The following CAPZB variants were observed in gnomAD, a reference collection of about 807,000 sequenced individuals.
CAPZB encodes capping actin protein of muscle Z-line subunit beta.
In CAPZB, 2 loss-of-function variants were observed where a neutral mutation model predicts 38.1. The ratio of observed to expected loss-of-function variants is 0.05; its 90% CI spans 0.02 to 0.17. CAPZB has a LOEUF of 0.17. CAPZB is among the 10% of genes least tolerant of loss of function. CAPZB has a pLI of 1.00. For synonymous variants in CAPZB, 107 were observed against 127.4 expected (o/e 0.84, Z 1.08); for missense variants, 161 against 334.2 (o/e 0.48, Z 4.04).
chr1:19,468,175 T>C (rs2094574727), intron 1 of CAPZB, among the ~76,000 whole-genome samples: 1 of 152,206 alleles, frequency 6.6e-6, no homozygotes, highest in Non-Finnish European at 1.5e-5. Flanking sequence ...TGAAACAATA[T>C]ATTGAAAGGT....
At chr1:19,370,582 T>C (rs1432792807) in intron 4 of CAPZB, among the ~76,000 whole-genome samples, 1 of 152,064 alleles carries the variant, frequency 6.6e-6, no homozygotes, top group African/African-American at 2.4e-5. Context: ...ACCTAGCACA[T>C]GGTGAAATTT....
chr1:19,350,659 G>A (rs1420220284), intron 6 of CAPZB, among the ~76,000 whole-genome samples: 1 of 152,208 alleles, frequency 6.6e-6, no homozygotes, highest in East Asian at 1.9e-4. Flanking sequence ...GTGTTGCCCA[G>A]GCTGGAGCAC....
intron 4 of CAPZB, among the ~76,000 whole-genome samples, chr1:19,373,733 C>T (rs1389481546): frequency 6.6e-6 from 1 of 151,782 alleles, no homozygotes; most frequent in Admixed American, 6.6e-5. Context: ...CTCTGTCACC[C>T]AGGCTGAGTG....
intron 1 of CAPZB, among the ~76,000 whole-genome samples, chr1:19,464,013 A>G (rs2094560798): frequency 1.3e-5 from 1 of 77,078 alleles, no homozygotes; most frequent in South Asian, 5.5e-4. Context: ...TATCTCTACT[A>G]AAAATACAAA....
At chr1:19,345,149 G>A (rs2100245431) in intron 7 of CAPZB, 38 bp downstream of exon 7, 1 of 1,526,366 alleles carries the variant, frequency 6.6e-7, no homozygotes. Flanking sequence ...CACTGCTGTG[G>A]GTCACTGCAG....
intron 1 of CAPZB, chr1:19,484,564 C>G (rs890121654): frequency 7.9e-7 from 1 of 1,260,674 alleles, no homozygotes; most frequent in East Asian, 4.2e-5. Flanking sequence ...TCCCTAGAAG[C>G]GGCAACTGAG....
At chr1:19,436,095 T>C (rs1408763406) in intron 1 of CAPZB, among the ~76,000 whole-genome samples, 2 of 152,216 alleles carry the variant, frequency 1.3e-5, no homozygotes, top group Admixed American at 6.5e-5. Flanking sequence ...TCACCCCTTA[T>C]CTGCAGTTTT....
intron 1 of CAPZB, among the ~76,000 whole-genome samples, chr1:19,483,472 T>G (rs1261291074): frequency 6.6e-6 from 1 of 152,228 alleles, no homozygotes; most frequent in Non-Finnish European, 1.5e-5. Context: ...TGAAAACAGC[T>G]TGTACAGGTG....
chr1:19,445,200 T>G (rs1421156883), intron 1 of CAPZB, among the ~76,000 whole-genome samples: 1 of 152,100 alleles, frequency 6.6e-6, no homozygotes, highest in Admixed American at 6.6e-5. Flanking sequence ...AACAGGAAGT[T>G]TGCAAAGGTG....
At chr1:19,403,830 G>A (rs1018843874) in intron 2 of CAPZB, among the ~76,000 whole-genome samples, 1 of 152,196 alleles carries the variant, frequency 6.6e-6, no homozygotes, top group Non-Finnish European at 1.5e-5. Flanking sequence ...TTGGGCAGGT[G>A]GAACTACATC....
rs758157735 is a variant in CAPZB, at chr1:19,484,632, G to A, written c.3+804C>T. On this transcript the variant is annotated intron_variant, in intron 1 of 8. Coordinates refer to ENST00000264202, the MANE Select transcript of CAPZB (RefSeq NM_004930.5). ...TGGAGAGCTCCCCTCGCTCCCCAAA[G>A]GCTGCAAAGAAGGCGCGCCCCAGGT... 54 of 1,175,914 alleles carry A rather than the reference G, an allele frequency of 4.6e-5. 1 individual carries two copies. The African/African-American group carries it at 8.0e-4, about 17-fold the overall frequency. The allele number at this position is 1,175,914 out of a possible 1,614,324, so 72.8% of individuals were successfully genotyped here. A position where few individuals can be genotyped will look rare whatever the true frequency, so the allele number is the denominator to read the frequency against.
chr1:19,468,919 C>T (rs2094577319), intron 1 of CAPZB, among the ~76,000 whole-genome samples: 2 of 152,204 alleles, frequency 1.3e-5, no homozygotes, highest in Admixed American at 6.5e-5. Context: ...CGAGACGCCT[C>T]CTTCAATGTA....
intron 3 of CAPZB, among the ~76,000 whole-genome samples, chr1:19,380,807 C>T (rs189399494): frequency 6.6e-6 from 1 of 152,108 alleles, no homozygotes; most frequent in Non-Finnish European, 1.5e-5. Context: ...ATCTTCTCTT[C>T]GGGTTGCTCA....
rs2094030724 is a variant in CAPZB, at chr1:19,357,935, A to G, written c.330-372T>C. Among the ~76,000 whole-genome samples, 4 of 152,032 alleles carry G rather than the reference A, an allele frequency of 2.6e-5. No individual in the cohort carries two copies. The South Asian group carries it at 8.3e-4, about 32-fold the overall frequency. The stretch of plus-strand genomic sequence containing the variant: ...CTACTGGAGTCACCACGGTTGTTCG[A>G]TATTTCTGTCTTTTGGGATATTTTA... On this transcript the variant is annotated intron_variant, in intron 4 of 8. Coordinates refer to ENST00000264202, the MANE Select transcript of CAPZB (RefSeq NM_004930.5). The surrounding 1 kb of genome is among the most constrained non-coding windows in gnomAD (Gnocchi z 4.3).
At chr1:19,425,082 T>C (rs1388576317) in intron 1 of CAPZB, among the ~76,000 whole-genome samples, 3 of 152,236 alleles carry the variant, frequency 2.0e-5, no homozygotes, top group African/African-American at 7.2e-5. Context: ...ATTATTTTCC[T>C]AGGACTTCCC....
chr1:19,455,472 C>A (rs923510965), intron 1 of CAPZB, among the ~76,000 whole-genome samples: 1 of 152,218 alleles, frequency 6.6e-6, no homozygotes, highest in Non-Finnish European at 1.5e-5. Context: ...CCACTGGCCT[C>A]ATTAAGGCTG....
intron 4 of CAPZB, among the ~76,000 whole-genome samples, chr1:19,365,441 G>T (rs562333400): frequency 6.6e-6 from 1 of 152,202 alleles, no homozygotes; most frequent in Non-Finnish European, 1.5e-5. Context: ...GAAAGAGCAC[G>T]GGCAGCCCTA....
In CAPZB at chr1:19,441,987, C is replaced by CT. The variant is rs1179797273; in HGVS notation, c.4-22238_4-22237insA. Reference sequence around the variant, plus strand: ...TTGTGCCACTGCACTCCAGCCTGGGCGACAGAGCAAGACTCTGTCTCCAAA... The same window carrying CT: ...TTGTGCCACTGCACTCCAGCCTGGGCTGACAGAGCAAGACTCTGTCTCCAAA... On this transcript the variant is annotated intron_variant, in intron 1 of 8. Transcript: ENST00000264202. Among the ~76,000 whole-genome samples the CT allele has an allele frequency of 1.5e-4, 19 of 122,688 alleles. No homozygotes were observed. The Admixed American group carries it at 1.8e-3, about 12-fold the overall frequency. 80.5% of individuals were successfully genotyped at this position (122,688 alleles called of 152,430 possible).
intron 1 of CAPZB, among the ~76,000 whole-genome samples, chr1:19,430,761 A>C (rs935556130): frequency 3.3e-5 from 5 of 152,182 alleles, no homozygotes; most frequent in Non-Finnish European, 7.3e-5. Context: ...CTGATCCCTG[A>C]GCCGTGCACT....
Sources: gnomAD v4.1 joint callset for allele counts (sites outside exome capture counted in the v4.1 genomes callset) on GRCh38, gnomAD v4.1.1 for gene constraint, Gnocchi (gnomAD v3.1) non-coding constraint, MANE v1.5 for transcripts, NCBI Gene and HGNC (gene_info 2026-07-23, HGNC 2026-07-21) for gene names.